FAT3: variants seen among roughly 807,000 people sequenced by gnomAD.
The protein encoded by FAT3 is FAT atypical cadherin 3, also known as protocadherin Fat 3.
FAT3 carries 95 observed loss-of-function variants against 310.2 expected under a neutral mutation model. The ratio of observed to expected loss-of-function variants is 0.31; its 90% CI spans 0.26 to 0.36. FAT3 has a LOEUF of 0.36. Ranked by LOEUF, FAT3 falls within the 10% of genes least tolerant of loss-of-function variation. FAT3 has a pLI of 1.00. For synonymous variants in FAT3, 2,314 were observed against 2,192.9 expected, an observed-to-expected ratio of 1.06 and a Z score of -1.54; for missense variants, 5,408 against 5,715.6, an observed-to-expected ratio of 0.95 and a Z score of 1.74.
At chr11:92,816,161 C>A (rs1170282941) in intron 13 of FAT3, among the ~76,000 whole-genome samples, 3 of 152,142 alleles carry the variant, frequency 2.0e-5, no homozygotes, top group Non-Finnish European at 4.4e-5. Context: ...AGGAGTGAGA[C>A]AGAGAGACAG....
intron 1 of FAT3, among the ~76,000 whole-genome samples, chr11:92,294,842 C>T (rs1221648538): frequency 1.3e-5 from 2 of 151,970 alleles, no homozygotes; most frequent in Non-Finnish European, 2.9e-5. Context: ...ATGTTAATTC[C>T]AGGCATGCAT....
chr11:92,508,297 AAAG>A (rs1345374393), intron 2 of FAT3, among the ~76,000 whole-genome samples: 17 of 152,276 alleles, frequency 1.1e-4, no homozygotes, highest in African/African-American at 3.8e-4. Context: ...ATCACCTGTG[AAAG>A]AGTGCATTCA....
intron 2 of FAT3, among the ~76,000 whole-genome samples, chr11:92,413,711 G>A (rs931125446): frequency 6.6e-6 from 1 of 152,204 alleles, no homozygotes; most frequent in Non-Finnish European, 1.5e-5. Flanking sequence ...TAGTATCGGG[G>A]TGGGTTTGCT....
chr11:92,317,286 AT>A (rs1251980676), intron 1 of FAT3, among the ~76,000 whole-genome samples: 2 of 152,102 alleles, frequency 1.3e-5, no homozygotes, highest in Non-Finnish European at 2.9e-5. Context: ...TATTTAGATT[AT>A]TTTTTCTCCA....
chr11:92,762,935 A>G (rs918065169), intron 5 of FAT3, among the ~76,000 whole-genome samples: 3 of 152,134 alleles, frequency 2.0e-5, no homozygotes, highest in African/African-American at 7.2e-5. Flanking sequence ...AGGCAGGCGG[A>G]TCACTTGAGG....
At position 92,354,863 on chromosome 11, in the gene FAT3, T is replaced by A. The variant is rs375125471; in HGVS notation, c.2751T>A (p.Phe917Leu). The A allele has an allele frequency of 2.5e-5, 41 of 1,613,768 alleles. No individual in the cohort carries two copies. In the African/African-American group the frequency reaches 4.8e-4, roughly 19 times the overall value. Residue 917 changes from phenylalanine (F) to leucine (L), a missense_variant, in exon 2 of 28, where the codon TTT becomes TTA. Physicochemically the swap from Phe to Leu is conservative, Grantham distance 22 (BLOSUM62 0). Coordinates refer to ENST00000525166, the MANE Select transcript of FAT3 (RefSeq NM_001367949.2). ...RDKAESGQQL[F>L]SVVTLKVFLD... ...AGGCAGAGAGTGGTCAGCAGCTGTT[T>A]TCAGTTGTCACTCTTAAAGTTTTTT...
intron 9 of FAT3, among the ~76,000 whole-genome samples, chr11:92,795,500 G>A (rs1447640560): frequency 6.6e-6 from 1 of 152,016 alleles, no homozygotes; most frequent in Non-Finnish European, 1.5e-5. Context: ...AAGAGAATGG[G>A]TCAGTGTGTC....
At chr11:92,604,311 G>T (rs35340534) in intron 3 of FAT3, among the ~76,000 whole-genome samples, 4,579 of 152,234 alleles carry the variant, frequency 0.03, 103 homozygotes, top group Middle Eastern at 0.061. Flanking sequence ...TTATGACTTT[G>T]TACTCAGGGA....
chr11:92,521,216 A>G (rs962535776), intron 2 of FAT3, among the ~76,000 whole-genome samples: 1 of 152,126 alleles, frequency 6.6e-6, no homozygotes, highest in African/African-American at 2.4e-5. Flanking sequence ...GGTGACAAAT[A>G]AAACTGAAAA....
At chr11:92,302,714 A>G (rs917012793) in intron 1 of FAT3, among the ~76,000 whole-genome samples, 4 of 152,130 alleles carry the variant, frequency 2.6e-5, no homozygotes, top group Admixed American at 6.6e-5. Flanking sequence ...AGTACTCTCA[A>G]TTTGGAATTA....
chr11:92,484,765 C>T (rs373583602), intron 2 of FAT3, among the ~76,000 whole-genome samples: 2 of 152,316 alleles, frequency 1.3e-5, no homozygotes, highest in South Asian at 2.1e-4. Context: ...TCTATATGTT[C>T]GCTTCTACGC....
intron 1 of FAT3, among the ~76,000 whole-genome samples, chr11:92,281,462 C>G (rs1946419532): frequency 6.6e-6 from 1 of 152,166 alleles, no homozygotes; most frequent in East Asian, 1.9e-4. Context: ...GCCTTCCGCA[C>G]ACTCCCTTGC....
intron 1 of FAT3, among the ~76,000 whole-genome samples, chr11:92,242,633 G>A (rs922314317): frequency 2.0e-5 from 3 of 151,848 alleles, no homozygotes; most frequent in African/African-American, 7.3e-5. Context: ...AGACCTATAG[G>A]CAATTATCAA....
At chr11:92,854,149 T>C (rs562446751) in intron 19 of FAT3, among the ~76,000 whole-genome samples, 10 of 152,286 alleles carry the variant, frequency 6.6e-5, no homozygotes, top group African/African-American at 2.4e-4. Flanking sequence ...GGGACTGATG[T>C]GTTAGCACCA....
At chr11:92,743,134 T>C (rs1591672630) in intron 4 of FAT3, among the ~76,000 whole-genome samples, 1 of 152,356 alleles carries the variant, frequency 6.6e-6, no homozygotes, top group East Asian at 1.9e-4. Flanking sequence ...AAGCAGTTTC[T>C]TTTGCTTAGA....
rs565269002 is a variant in FAT3, at chr11:92,534,151, C to T, written c.3607+9203C>T. Among the ~76,000 whole-genome samples, 287 of 152,098 alleles carry T rather than the reference C, an allele frequency of 1.9e-3. 2 individuals carry two copies. The highest frequency in any genetic ancestry group is 6.6e-3 in the African/African-American group (275 of 41,472). On this transcript the variant is annotated intron_variant, in intron 3 of 27. Transcript: ENST00000525166. ...CCTAGATACTGCTGGGCTGTGTGTC[C>T]CTTGTCTATCAAGTATGAAGGGATG...
At chr11:92,285,057 G>A (rs1381944825) in intron 1 of FAT3, among the ~76,000 whole-genome samples, 2 of 152,116 alleles carry the variant, frequency 1.3e-5, no homozygotes, top group East Asian at 1.9e-4. Context: ...GGAATGAGAG[G>A]TGAGTGGAAA....
At chr11:92,298,279 T>C (rs1946901204) in intron 1 of FAT3, among the ~76,000 whole-genome samples, 2 of 152,144 alleles carry the variant, frequency 1.3e-5, no homozygotes, top group African/African-American at 4.8e-5. Flanking sequence ...GAGAGATAAA[T>C]GCATGCTGCT....
Position 92,354,444 on chromosome 11 carries a change from A to G in FAT3, c.2332A>G (p.Met778Val). The G allele has an allele frequency of 2.5e-6, 4 of 1,613,904 alleles. No individual in the cohort carries two copies. Among genetic ancestry groups the G allele is most frequent in the Non-Finnish European group, 1.7e-6 (2 of 1,179,864 alleles). Residue 778 changes from methionine (M) to valine (V), a missense_variant, in exon 2 of 28, where the codon ATG (methionine) becomes GTG (valine). Met to Val is a conservative substitution (Grantham distance 21). This residue lies in a region of FAT3 where 4,588 missense variants were observed against 4,809.8 expected (regional missense o/e 0.95). Transcript: ENST00000525166. Reference protein sequence around the residue: ...GNTDSCFNIDMETGQLKVLMP... With the variant: ...GNTDSCFNIDVETGQLKVLMP... Reference sequence around the variant, plus strand: ...TACGGATAGTTGCTTTAATATTGATATGGAGACTGGGCAGCTTAAAGTCCT... The same window carrying G: ...TACGGATAGTTGCTTTAATATTGATGTGGAGACTGGGCAGCTTAAAGTCCT...
Sources: allele counts gnomAD v4.1 joint callset (sites outside exome capture counted in the v4.1 genomes callset), GRCh38; gene constraint gnomAD v4.1.1; regional missense constraint gnomAD v4.1.1; transcripts MANE v1.5; gene names NCBI Gene and HGNC (gene_info 2026-07-23, HGNC 2026-07-21).